FTSJ1: variants seen among roughly 807,000 people sequenced by gnomAD.
FTSJ1 encodes the protein tRNA (cytidine(32)/guanosine(34)-2'-O)-methyltransferase.
A neutral mutation model predicts 28.5 loss-of-function variants in FTSJ1; 3 were observed. The observed-to-expected ratio is 0.11, with a 90% CI of 0.05 to 0.27. The LOEUF (loss-of-function observed/expected upper bound fraction) is 0.27. Ranked by LOEUF, FTSJ1 falls within the 10% of genes least tolerant of loss-of-function variation. The pLI, the probability that FTSJ1 is intolerant of heterozygous loss-of-function variation, is 1.00. For synonymous variants in FTSJ1, 104 were observed against 113.9 expected (o/e 0.91, Z 0.55); for missense variants, 162 against 279.0 (o/e 0.58, Z 2.99).
rs1556968906 is a variant in FTSJ1 at position 48,482,419 on chromosome X, G to A, written c.672G>A (p.Gln224=). ...LDHSYDPDFN[Q]LDGPTRIIVP... ...GTTCCTAAGACCCAGATTTCAACCA[G>A]CTGGATGGTCCCACCCGCATCATTG... Residue 224 remains glutamine, a synonymous_variant, in exon 10 of 13, where the codon CAG becomes CAA. Transcript: ENST00000348411. The A allele has an allele frequency of 8.3e-6, 10 of 1,201,573 alleles. No individual in the cohort carries two copies. Among genetic ancestry groups the A allele is most frequent in the Non-Finnish European group, 9.0e-6 (8 of 888,696 alleles).
At chrX:48,483,805 G>A (rs1400211596) in intron 12 of FTSJ1, among the ~76,000 whole-genome samples, 2 of 110,680 alleles carry the variant, frequency 1.8e-5, no homozygotes, top group Admixed American at 1.9e-4. Context: ...TTTTTAAAAG[G>A]GTTGTCATAG....
At chrX:48,476,883 G>A (rs1228972704) in intron 1 of FTSJ1, among the ~76,000 whole-genome samples, 3 of 111,127 alleles carry the variant, frequency 2.7e-5, no homozygotes, top group Non-Finnish European at 5.7e-5. Context: ...GGTATTGATG[G>A]AGGTATGATA....
chrX:48,480,514 C>T (rs782558726), intron 5 of FTSJ1, among the ~76,000 whole-genome samples: 3 of 109,372 alleles, frequency 2.7e-5, no homozygotes, highest in South Asian at 4.1e-4. Context: ...GCATTTTCAC[C>T]GAGATGAGAG....
rs377639641 is a variant in FTSJ1 at position 48,478,620 on chromosome X, C to A, written c.195C>A (p.Gly65=). The A allele has an allele frequency of 2.5e-6, 3 of 1,206,094 alleles. No individual in the cohort carries two copies. In the African/African-American group the frequency reaches 5.3e-5, roughly 21 times the overall value. ...ATGTGGGCCATGTTGTCCACAGGGG[C>A]CAAGGGTCCGGCCACGTGGTGGCTG... ...WSQVLSQKIG[G]QGSGHVVAVD... The change falls in exon 4 of 13, where the codon GGC becomes GGA. Residue 65 remains glycine (G), a synonymous_variant. Coordinates refer to ENST00000348411, the MANE Select transcript of FTSJ1 (RefSeq NM_012280.4).
intron 5 of FTSJ1, among the ~76,000 whole-genome samples, chrX:48,480,140 G>A (rs1156513570): frequency 1.4e-4 from 15 of 109,582 alleles, no homozygotes; most frequent in Non-Finnish European, 2.7e-4. Context: ...GCGAAACTCC[G>A]TCTCAAAAAA....
intron 10 of FTSJ1, 41 bp downstream of exon 10, chrX:48,482,547 G>A (rs782611475): frequency 8.4e-7 from 1 of 1,185,731 alleles, no homozygotes; most frequent in Non-Finnish European, 1.1e-6. Flanking sequence ...GAGGGAGGCT[G>A]TCCTAGGTTA....
rs782567258 is a variant in FTSJ1 at position 48,482,753 on chromosome X, C to T, written c.916C>T (p.Pro306Ser). 2 of 1,207,863 alleles carry T rather than the reference C, an allele frequency of 1.7e-6. No individual in the cohort carries two copies. The highest frequency in any genetic ancestry group is 5.9e-5 in the East Asian group (2 of 33,727). The change falls in exon 11 of 13, where the codon CCC (proline) becomes TCC (serine). Residue 306 changes from proline (P) to serine (S), a missense_variant. Transcript: ENST00000348411. ...CAGCAGAGTGGACACGTTTCCCCAGCCCCTGGCCGCCCCTCAGTGCCACAC... is the reference window on the plus strand; with the variant it reads ...CAGCAGAGTGGACACGTTTCCCCAGTCCCTGGCCGCCCCTCAGTGCCACAC... Reference protein sequence around the residue: ...PISRVDTFPQPLAAPQCHTLL... With the variant: ...PISRVDTFPQSLAAPQCHTLL...
chrX:48,481,225 T>G (rs782165587), intron 6 of FTSJ1, 22 bp downstream of exon 6: 2 of 1,203,991 alleles, frequency 1.7e-6, no homozygotes, highest in East Asian at 5.9e-5. Flanking sequence ...TGGCCACCCC[T>G]GACCCACTTT....
chrX:48,481,101 G>T (rs1556968349), intron 5 of FTSJ1, 50 bp from the exon 6 acceptor site: 2 of 1,051,828 alleles, frequency 1.9e-6, no homozygotes, highest in East Asian at 3.0e-5. Context: ...GGTACAAGAA[G>T]ATGCACAGAG....
Position 48,476,217 on chromosome X carries a change from C to T in FTSJ1, c.-267C>T. On this transcript the variant is annotated 5_prime_UTR_variant, in exon 1 of 13. Transcript: ENST00000348411. ...GTTGTACGTTCACATCAGGTCCCGG[C>T]CCGCCGGAACCTGGGCGATCCACGA... 1 of 298,166 alleles carries T rather than the reference C, an allele frequency of 3.4e-6. No individual in the cohort carries two copies. The highest frequency in any genetic ancestry group is 5.9e-6 in the Non-Finnish European group (1 of 170,365). The allele number at this position is 298,166 out of a possible 1,213,427, so 24.6% of individuals were successfully genotyped here.
Position 48,481,659 on chromosome X carries a change from A to T in FTSJ1, c.599A>T (p.Asp200Val). 8.3e-7 allele frequency: 1 copy of T among 1,199,844 alleles called. No individual in the cohort carries two copies. The highest frequency in any genetic ancestry group is 1.1e-6 in the Non-Finnish European group (1 of 885,074). The change falls in exon 9 of 13, where the codon GAC (aspartate) becomes GTC (valine). Residue 200 changes from aspartate to valine, a missense_variant. Physicochemically the swap from Asp to Val is radical, Grantham distance 152. Coordinates refer to ENST00000348411, the MANE Select transcript of FTSJ1 (RefSeq NM_012280.4). ...GCCTTCGCTGTCTGTCAGGGCTATG[A>T]CCCTCCCGAGGGCTTCATCCCGGAC... ...IEAFAVCQGY[D>V]PPEGFIPDLS... is the part of the protein sequence containing the mutation.
At chrX:48,479,560 A>G (rs1285715952) in intron 5 of FTSJ1, among the ~76,000 whole-genome samples, 1 of 104,433 alleles carries the variant, frequency 9.6e-6, no homozygotes, top group African/African-American at 3.3e-5. Context: ...GCTCTGTACC[A>G]TTAAAAGGGG....
Position 48,476,239 on chromosome X carries a change from A to G in FTSJ1, c.-245A>G, listed in dbSNP as rs1046406016. ...CGGCCCGCCGGAACCTGGGCGATCCACGATGCCGAGTTTGCCACGCTGCGA... is the reference window on the plus strand; with the variant it reads ...CGGCCCGCCGGAACCTGGGCGATCCGCGATGCCGAGTTTGCCACGCTGCGA... On this transcript the variant is annotated 5_prime_UTR_variant, in exon 1 of 13. Transcript: ENST00000348411. 3.4e-6 allele frequency: 1 copy of G among 298,221 alleles called. No individual in the cohort carries two copies. The highest frequency in any genetic ancestry group is 5.9e-6 in the Non-Finnish European group (1 of 170,395). 24.6% of individuals were successfully genotyped at this position (298,221 alleles called of 1,213,427 possible).
chrX:48,485,815 A>G lies in FTSJ1; in HGVS notation c.*89A>G, dbSNP rs782190826. ...TTGATGAACTTGTTTTCAAAATATC[A>G]TCTCATCAACGAGGCCTGGACAAAC... On this transcript the variant is annotated 3_prime_UTR_variant, in exon 13 of 13. Coordinates refer to ENST00000348411, the MANE Select transcript of FTSJ1 (RefSeq NM_012280.4). 5.9e-4 allele frequency: 66 copies of G among 112,814 alleles called. No individual in the cohort carries two copies. Among genetic ancestry groups the G allele is most frequent in the African/African-American group, 2.1e-3 (65 of 31,096 alleles). 9.3% of individuals were successfully genotyped at this position (112,814 alleles called of 1,213,427 possible). A position where few individuals can be genotyped will look rare whatever the true frequency, so the allele number is the denominator to read the frequency against.
intron 5 of FTSJ1, among the ~76,000 whole-genome samples, chrX:48,479,636 C>G (rs2061555401): frequency 8.9e-6 from 1 of 112,309 alleles, no homozygotes; most frequent in African/African-American, 3.2e-5. Context: ...GTGAGAGGAA[C>G]ACTTGAGGCA....
Sources: allele counts gnomAD v4.1 joint callset (sites outside exome capture counted in the v4.1 genomes callset), GRCh38; gene constraint gnomAD v4.1.1; transcripts MANE v1.5; gene names NCBI Gene and HGNC (gene_info 2026-07-23, HGNC 2026-07-21).